Variants in NRXN1 observed in about 807,000 individuals in gnomAD.
NRXN1 encodes the protein neurexin-1.
NRXN1 carries 39 observed loss-of-function variants against 150.9 expected under a neutral mutation model. That is an observed-to-expected ratio of 0.26 (90% CI 0.20 to 0.34). The LOEUF (loss-of-function observed/expected upper bound fraction) is 0.34, where lower values mean the gene tolerates loss of function less well. NRXN1 is among the 10% of genes least tolerant of loss of function. NRXN1 has a pLI of 1.00. For missense variants in NRXN1, 1,815 were observed against 1,949.9 expected (o/e 0.93, Z 1.30); for synonymous variants, 924 against 757.0 (o/e 1.22, Z -3.62).
intron 8 of NRXN1, among the ~76,000 whole-genome samples, chr2:50,566,664 A>G (rs2105430287): frequency 6.6e-6 from 1 of 152,274 alleles, no homozygotes; most frequent in Non-Finnish European, 1.5e-5. Flanking sequence ...AGTCTTATGA[A>G]GTAGACATTT....
chr2:50,428,848 T>A (rs953544672), intron 17 of NRXN1, among the ~76,000 whole-genome samples: 49 of 152,188 alleles, frequency 3.2e-4, no homozygotes, highest in African/African-American at 1.2e-3. Context: ...TCCATTTGAA[T>A]AGAAGAGGAA....
chr2:50,752,070 C>T (rs1700656424), intron 5 of NRXN1, among the ~76,000 whole-genome samples: 1 of 151,944 alleles, frequency 6.6e-6, no homozygotes, highest in Non-Finnish European at 1.5e-5. Context: ...CACGTGCAGG[C>T]TGTTACAAAT....
chr2:50,181,546 G>A (rs114761268), intron 18 of NRXN1, among the ~76,000 whole-genome samples: 1,543 of 152,144 alleles, frequency 0.01, 16 homozygotes, highest in Non-Finnish European at 0.015. Context: ...TGCCTCACTG[G>A]TAAAGCAATT....
intron 5 of NRXN1, among the ~76,000 whole-genome samples, chr2:50,641,221 G>A (rs191416027): frequency 6.2e-4 from 95 of 152,184 alleles, no homozygotes; most frequent in Admixed American, 1.9e-3. Context: ...TTGACTAAAA[G>A]CCTCCTCATA....
At chr2:50,271,822 A>T (rs1300448655) in intron 17 of NRXN1, among the ~76,000 whole-genome samples, 5 of 152,174 alleles carry the variant, frequency 3.3e-5, no homozygotes, top group African/African-American at 1.2e-4. Context: ...TCATAAACAA[A>T]ATTTTTTAAA....
intron 2 of NRXN1, among the ~76,000 whole-genome samples, chr2:50,958,320 A>G (rs1242977456): frequency 6.6e-6 from 1 of 152,114 alleles, no homozygotes; most frequent in African/African-American, 2.4e-5. Context: ...AAGCACCAGA[A>G]ACTCTCAAAC....
At chr2:50,151,660 G>T (rs2058704787) in intron 18 of NRXN1, among the ~76,000 whole-genome samples, 1 of 151,826 alleles carries the variant, frequency 6.6e-6, no homozygotes, top group South Asian at 2.1e-4. Flanking sequence ...ATTAGTGGCT[G>T]CCTGGGACTG....
At chr2:50,759,128 C>A (rs1357757531) in intron 5 of NRXN1, among the ~76,000 whole-genome samples, 1 of 151,926 alleles carries the variant, frequency 6.6e-6, no homozygotes, top group Non-Finnish European at 1.5e-5. Context: ...GAATTTTAAA[C>A]ATTTCTTGTA....
chr2:50,511,390 A>T (rs953768003), intron 12 of NRXN1, among the ~76,000 whole-genome samples: 1 of 152,212 alleles, frequency 6.6e-6, no homozygotes, highest in African/African-American at 2.4e-5. Context: ...TCTGTTCATT[A>T]GACAATGCTG....
At chr2:49,948,006 A>C (rs1673258307) in intron 21 of NRXN1, among the ~76,000 whole-genome samples, 1 of 152,070 alleles carries the variant, frequency 6.6e-6, no homozygotes, top group Admixed American at 6.6e-5. Context: ...TGTACATATG[A>C]ATTATTCTTG....
At chr2:51,011,058 G>C (rs1481455981) in intron 2 of NRXN1, among the ~76,000 whole-genome samples, 1 of 152,018 alleles carries the variant, frequency 6.6e-6, no homozygotes, top group Non-Finnish European at 1.5e-5. Context: ...ACAGGAATGA[G>C]CCACCCTGCC....
At chr2:50,113,596 T>C (rs1702653101) in intron 18 of NRXN1, among the ~76,000 whole-genome samples, 1 of 152,220 alleles carries the variant, frequency 6.6e-6, no homozygotes, top group African/African-American at 2.4e-5. Flanking sequence ...ACCAACGCTA[T>C]TTATACAGTT....
chr2:50,035,067 C>T (rs1689820598), intron 21 of NRXN1, among the ~76,000 whole-genome samples: 1 of 152,026 alleles, frequency 6.6e-6, no homozygotes, highest in African/African-American at 2.4e-5. Context: ...GTACATAATG[C>T]TAAAATGAGC....
At chr2:50,338,708 A>G (rs1363396173) in intron 17 of NRXN1, among the ~76,000 whole-genome samples, 1 of 72,912 alleles carries the variant, frequency 1.4e-5, no homozygotes, top group African/African-American at 5.2e-5. Flanking sequence ...TTAGAAAGAG[A>G]AAAAAAAAAA....
At chr2:50,474,634 T>C (rs2089819804) in intron 15 of NRXN1, among the ~76,000 whole-genome samples, 1 of 136,804 alleles carries the variant, frequency 7.3e-6, no homozygotes, top group Non-Finnish European at 1.5e-5. Context: ...TCCGTACTCC[T>C]CTGTGCCATG....
chr2:50,791,712 C>T (rs1020942346), intron 5 of NRXN1, among the ~76,000 whole-genome samples: 7 of 152,112 alleles, frequency 4.6e-5, no homozygotes, highest in Admixed American at 6.6e-5. Context: ...TACTCCCTGG[C>T]TGTGGTAATT....
intron 17 of NRXN1, among the ~76,000 whole-genome samples, chr2:50,417,623 C>A (rs2083642863): frequency 6.6e-6 from 1 of 151,826 alleles, no homozygotes; most frequent in Non-Finnish European, 1.5e-5. Flanking sequence ...TACAAATAAC[C>A]TAGCTATCAC....
chr2:50,154,343 C>A (rs2058883153), intron 18 of NRXN1, among the ~76,000 whole-genome samples: 1 of 151,420 alleles, frequency 6.6e-6, no homozygotes, highest in South Asian at 2.1e-4. Context: ...TAACCAAATA[C>A]CACCTGCTCC....
intron 19 of NRXN1, 31 bp downstream of exon 19, chr2:50,091,292 A>C: frequency 1.2e-6 from 2 of 1,613,216 alleles, no homozygotes; most frequent in Non-Finnish European, 1.7e-6. Flanking sequence ...TTTTCATAAA[A>C]TCTTCCCCCG....
Sources: allele counts gnomAD v4.1 joint callset (sites outside exome capture counted in the v4.1 genomes callset), GRCh38; gene constraint gnomAD v4.1.1; transcripts MANE v1.5; gene names NCBI Gene and HGNC (gene_info 2026-07-23, HGNC 2026-07-21).